ZRANB3: variants seen among roughly 807,000 people sequenced by gnomAD.
ZRANB3 encodes the protein zinc finger RANBP2-type containing 3.
In ZRANB3, 125 loss-of-function variants were observed where a neutral mutation model predicts 133.8. The ratio of observed to expected loss-of-function variants is 0.93; its 90% confidence interval spans 0.81 to 1.08. The LOEUF is 1.08. ZRANB3 is among the 50% of genes least tolerant of loss of function. The pLI, the probability that ZRANB3 is intolerant of heterozygous loss-of-function variation, is 0.00. For missense variants in ZRANB3, 1,229 were observed against 1,275.5 expected (o/e 0.96, Z 0.56); for synonymous variants, 387 against 432.7 (o/e 0.89, Z 1.31).
chr2:135,238,160 A>G (rs1695386943), intron 12 of ZRANB3, among the ~76,000 whole-genome samples: 1 of 152,202 alleles, frequency 6.6e-6, no homozygotes, highest in East Asian at 1.9e-4. Flanking sequence ...AGGGCAAATT[A>G]AAGGATTTAG....
At chr2:135,510,730 AC>A (rs1559046542) in intron 1 of ZRANB3, 5 of 799,106 alleles carry the variant, frequency 6.3e-6, no homozygotes, top group South Asian at 5.3e-5. Context: ...ATTCAGACAG[AC>A]CTCACCTCTG....
intron 2 of ZRANB3, among the ~76,000 whole-genome samples, chr2:135,490,479 C>T (rs2104805348): frequency 6.6e-6 from 1 of 152,054 alleles, no homozygotes; most frequent in South Asian, 2.1e-4. Flanking sequence ...GTTAAAATTG[C>T]TTTTATCAAA....
chr2:135,495,654 A>G (rs1692629890), intron 2 of ZRANB3, among the ~76,000 whole-genome samples: 3 of 152,306 alleles, frequency 2.0e-5, no homozygotes, highest in Admixed American at 2.0e-4. Flanking sequence ...AATTACTTCA[A>G]AAAGTTGAAA....
At chr2:135,271,321 G>A (rs1271780343) in intron 10 of ZRANB3, 2 of 471,348 alleles carry the variant, frequency 4.2e-6, no homozygotes, top group Non-Finnish European at 8.8e-6. Context: ...AATCCTAAGG[G>A]ACAAAACAGA....
chr2:135,262,810 G>A (rs1271996535), intron 12 of ZRANB3, among the ~76,000 whole-genome samples: 1 of 150,124 alleles, frequency 6.7e-6, no homozygotes, highest in Non-Finnish European at 1.5e-5. Flanking sequence ...AAAAAAAAAA[G>A]GCTAGGAAAC....
intron 4 of ZRANB3, 151 bp downstream of exon 4, chr2:135,353,299 C>A: frequency 4.3e-6 from 2 of 463,554 alleles, no homozygotes; most frequent in Admixed American, 4.1e-5. Flanking sequence ...ATAAATAATT[C>A]ATATTTTAAA....
intron 12 of ZRANB3, among the ~76,000 whole-genome samples, chr2:135,264,039 C>A (rs1336156953): frequency 5.3e-5 from 8 of 151,346 alleles, no homozygotes; most frequent in African/African-American, 1.9e-4. Flanking sequence ...CCACCCACCT[C>A]AGCTTCCCAA....
intron 2 of ZRANB3, among the ~76,000 whole-genome samples, chr2:135,426,486 A>G (rs957924256): frequency 6.6e-6 from 1 of 152,058 alleles, no homozygotes; most frequent in African/African-American, 2.4e-5. Flanking sequence ...TCAAAAGCTA[A>G]TCTACCATGA....
chr2:135,292,026 T>C (rs1270530672), intron 8 of ZRANB3, among the ~76,000 whole-genome samples: 3 of 152,242 alleles, frequency 2.0e-5, no homozygotes, highest in Non-Finnish European at 1.5e-5. Flanking sequence ...TCCAAGTCTT[T>C]GCTATTGTGA....
rs1573653237 is a variant in ZRANB3 at position 135,199,968 on chromosome 2, A to G, written c.*374T>C. The stretch of plus-strand genomic sequence containing the variant: ...GTTTTGCAATGTTCCACTCATACCT[A>G]TGACAGTCCAGAACAATACTAATCC... On this transcript the variant is annotated 3_prime_UTR_variant, in exon 21 of 21. Transcript: ENST00000264159. 1.8e-5 allele frequency: 5 copies of G among 278,304 alleles called. No individual in the cohort carries two copies. In the East Asian group the frequency reaches 4.2e-4, roughly 23 times the overall value. The allele number at this position is 278,304 out of a possible 1,614,324, so 17.2% of individuals were successfully genotyped here.
intron 6 of ZRANB3, among the ~76,000 whole-genome samples, chr2:135,328,373 C>T (rs886822409): frequency 5.3e-5 from 8 of 152,040 alleles, no homozygotes; most frequent in African/African-American, 1.5e-4. Context: ...TCATCCACGT[C>T]GCTGCAAAGG....
At chr2:135,444,648 G>C (rs1393553796) in intron 2 of ZRANB3, among the ~76,000 whole-genome samples, 2 of 152,168 alleles carry the variant, frequency 1.3e-5, no homozygotes, top group Admixed American at 6.5e-5. Flanking sequence ...TTGTTGACTA[G>C]GTCTGGAGGT....
intron 2 of ZRANB3, among the ~76,000 whole-genome samples, chr2:135,411,186 C>T (rs1317155129): frequency 1.3e-5 from 2 of 152,036 alleles, no homozygotes; most frequent in Admixed American, 6.6e-5. Context: ...CTGTGGTAAG[C>T]CCTATCATGC....
At chr2:135,305,608 G>C (rs1682642314) in intron 8 of ZRANB3, among the ~76,000 whole-genome samples, 2 of 151,970 alleles carry the variant, frequency 1.3e-5, no homozygotes, top group Non-Finnish European at 2.9e-5. Flanking sequence ...TTGTGGTTTG[G>C]TGGCTTTCTG....
At chr2:135,260,210 T>C (rs1679888981) in intron 12 of ZRANB3, among the ~76,000 whole-genome samples, 1 of 152,236 alleles carries the variant, frequency 6.6e-6, no homozygotes, top group East Asian at 1.9e-4. Flanking sequence ...TGTAGAGAAA[T>C]CAAAACACCT....
intron 2 of ZRANB3, among the ~76,000 whole-genome samples, chr2:135,501,118 C>T (rs910360573): frequency 1.3e-5 from 2 of 151,860 alleles, no homozygotes; most frequent in Admixed American, 1.3e-4. Context: ...TACAGAACTC[C>T]AAAGACAAAG....
At chr2:135,331,874 CTTTTT>C (rs561139615) in intron 6 of ZRANB3, among the ~76,000 whole-genome samples, 2 of 151,088 alleles carry the variant, frequency 1.3e-5, no homozygotes, top group Non-Finnish European at 3.0e-5. Context: ...GAGACTTTTA[CTTTTT>C]TAAGAAAATG....
intron 6 of ZRANB3, among the ~76,000 whole-genome samples, chr2:135,325,613 T>A (rs1683775465): frequency 6.6e-6 from 1 of 152,148 alleles, no homozygotes; most frequent in South Asian, 2.1e-4. Flanking sequence ...GCCAGGACGG[T>A]CTTGATCTCC....
At position 135,324,255 on chromosome 2, in the gene ZRANB3, C is replaced by T. The variant is rs537899360; in HGVS notation, c.678-8725G>A. ...CCTCCCCTCACCCCACAACAGGCCC[C>T]GGTGTGTGATGTCCCCTTTCCTGTG... On this transcript the variant is annotated intron_variant, in intron 6 of 20. Transcript: ENST00000264159. Among the ~76,000 whole-genome samples the T allele has an allele frequency of 2.3e-4, 35 of 149,606 alleles. 1 individual carries two copies. The South Asian group carries it at 2.4e-3, about 10-fold the overall frequency.
Sources: gnomAD v4.1 joint callset for allele counts (sites outside exome capture counted in the v4.1 genomes callset) on GRCh38, gnomAD v4.1.1 for gene constraint, MANE v1.5 for transcripts, NCBI Gene and HGNC (gene_info 2026-07-23, HGNC 2026-07-21) for gene names.